GGACT: variants seen among roughly 807,000 people sequenced by gnomAD.
The protein encoded by GGACT is gamma-glutamylamine cyclotransferase.
For missense variants in GGACT, 241 were observed against 233.2 expected (o/e 1.03, Z -0.22); for synonymous variants, 118 against 115.3 (o/e 1.02, Z -0.15).
At position 100,532,304 on chromosome 13, in the gene GGACT, C is replaced by CT. The variant is rs1172798989; in HGVS notation, c.287dup (p.Leu97AlafsTer39). On this transcript the variant is annotated frameshift_variant, in exon 3 of 3. Transcript: ENST00000683975. LOFTEE classifies it low-confidence loss of function (END_TRUNC). Reference sequence around the variant, plus strand: ...CGCCCGGGGCCCGGTCCTCCAGCAGCTGTACCCGCAGCACCGTGCGCTGGT... The same window carrying CT: ...CGCCCGGGGCCCGGTCCTCCAGCAGCTTGTACCCGCAGCACCGTGCGCTGGT... 7 of 1,544,308 alleles carry CT rather than the reference C, an allele frequency of 4.5e-6. No individual in the cohort carries two copies. The highest frequency in any genetic ancestry group is 5.3e-6 in the Non-Finnish European group (6 of 1,142,054).
chr13:100,585,123 C>G (rs769778012), intron 1 of GGACT, among the ~76,000 whole-genome samples: 1 of 152,178 alleles, frequency 6.6e-6, no homozygotes, highest in Non-Finnish European at 1.5e-5. Flanking sequence ...CCACACTCCA[C>G]GAAAAGCAGC....
intron 2 of GGACT, 49 bp from the exon 3 acceptor site, chr13:100,532,650 G>A (rs1594179797): frequency 7.0e-7 from 1 of 1,418,514 alleles, no homozygotes; most frequent in Non-Finnish European, 9.5e-7. Flanking sequence ...GGAGCTCTGT[G>A]TCTGCACCTG....
chr13:100,579,102 CT>C (rs1292117904), intron 2 of GGACT, among the ~76,000 whole-genome samples: 1 of 152,206 alleles, frequency 6.6e-6, no homozygotes, highest in Non-Finnish European at 1.5e-5. Context: ...TGAGTTCTTT[CT>C]TACTGGGTGC....
intron 2 of GGACT, among the ~76,000 whole-genome samples, chr13:100,547,308 G>A (rs531690222): frequency 1.3e-5 from 2 of 152,342 alleles, no homozygotes; most frequent in South Asian, 2.1e-4. Flanking sequence ...ACCAGAGGGG[G>A]TGGGGTACTT....
rs11842383 is a variant in GGACT at position 100,551,008 on chromosome 13, G to A, written c.-10-18407C>T. On this transcript the variant is annotated intron_variant, in intron 2 of 2. Coordinates refer to ENST00000683975, the MANE Select transcript of GGACT (RefSeq NM_001195087.2). ...TCTTAATTAAAAAACAACAAGGCCG[G>A]GCGCGGTGGCTCATGCCTGTAATTC... 8.6e-3 allele frequency among the ~76,000 whole-genome samples: 1,308 copies of A among 152,274 alleles called. 20 individuals are homozygous for A. Among genetic ancestry groups the A allele is most frequent in the African/African-American group, 0.029 (1,222 of 41,544 alleles).
At chr13:100,560,562 GTGTGGCCCTCCC>G (rs1238566670) in intron 2 of GGACT, among the ~76,000 whole-genome samples, 2 of 152,218 alleles carry the variant, frequency 1.3e-5, no homozygotes. Context: ...CGTGGGAGCT[GTGTGGCCCTCCC>G]AGGCCCTGAG....
intron 2 of GGACT, among the ~76,000 whole-genome samples, chr13:100,540,838 T>C (rs2088546224): frequency 6.6e-6 from 1 of 152,240 alleles, no homozygotes; most frequent in South Asian, 2.1e-4. Context: ...GTGCCTGTGA[T>C]TCATTCTGGC....
chr13:100,556,681 G>A (rs2088711219), intron 2 of GGACT, among the ~76,000 whole-genome samples: 1 of 151,890 alleles, frequency 6.6e-6, no homozygotes, highest in East Asian at 1.9e-4. Context: ...ATAACTCAAA[G>A]GATAAATGCT....
At chr13:100,562,511 T>C (rs2153015347) in intron 2 of GGACT, among the ~76,000 whole-genome samples, 1 of 152,114 alleles carries the variant, frequency 6.6e-6, no homozygotes, top group Non-Finnish European at 1.5e-5. Flanking sequence ...GAGAGGCACA[T>C]GAGGCCAGGT....
At chr13:100,560,382 T>C (rs1199508150) in intron 2 of GGACT, among the ~76,000 whole-genome samples, 1 of 152,238 alleles carries the variant, frequency 6.6e-6, no homozygotes, top group African/African-American at 2.4e-5. Context: ...TGCTGCTCCA[T>C]AAACATTAAG....
chr13:100,532,358 C>T lies in GGACT; in HGVS notation c.234G>A (p.Leu78=). 1 of 1,550,644 alleles carries T rather than the reference C, an allele frequency of 6.4e-7. No individual in the cohort carries two copies. The highest frequency in any genetic ancestry group is 8.7e-7 in the Non-Finnish European group (1 of 1,146,622). ...YAVDERMLRF[L]DDFESCPALY... ...GGGCCGGGCAACTCTCGAAGTCATC[C>T]AGAAAGCGCAGCATCCGCTCGTCTA... The change falls in exon 3 of 3, where the codon CTG becomes CTA. Residue 78 remains leucine, a synonymous_variant. Transcript: ENST00000683975.
At chr13:100,547,790 C>T (rs551621861) in intron 2 of GGACT, among the ~76,000 whole-genome samples, 7 of 152,346 alleles carry the variant, frequency 4.6e-5, no homozygotes, top group East Asian at 1.9e-4. Flanking sequence ...ATGAGATGGC[C>T]GTAATCCCTG....
intron 2 of GGACT, among the ~76,000 whole-genome samples, chr13:100,556,689 G>C (rs1313222355): frequency 6.6e-6 from 1 of 151,938 alleles, no homozygotes; most frequent in East Asian, 1.9e-4. Context: ...AAGGATAAAT[G>C]CTTGAGGGCA....
At chr13:100,561,768 G>T (rs2088762527) in intron 2 of GGACT, among the ~76,000 whole-genome samples, 1 of 152,226 alleles carries the variant, frequency 6.6e-6, no homozygotes, top group African/African-American at 2.4e-5. Flanking sequence ...TCAGTGGGGG[G>T]CTGGGGCTCA....
At position 100,546,541 on chromosome 13, in the gene GGACT, T is replaced by G. The variant is rs1019843606; in HGVS notation, c.-10-13940A>C. On this transcript the variant is annotated intron_variant, in intron 2 of 2. Transcript: ENST00000683975. Reference sequence around the variant, plus strand: ...TAATAAGGAAATAGACTGGGTGCGGTGGCTCATGCCTGTAATCCCAGCATT... The same window carrying G: ...TAATAAGGAAATAGACTGGGTGCGGGGGCTCATGCCTGTAATCCCAGCATT... Among the ~76,000 whole-genome samples the G allele has an allele frequency of 3.3e-5, 5 of 152,142 alleles. 1 individual carries two copies. Among genetic ancestry groups the G allele is most frequent in the African/African-American group, 1.2e-4 (5 of 41,512 alleles).
chr13:100,577,422 T>A (rs58629796), intron 2 of GGACT, among the ~76,000 whole-genome samples: 3,090 of 137,956 alleles, frequency 0.022, 121 homozygotes, highest in African/African-American at 0.091. Context: ...ATCTCAAAAA[T>A]AAATAAATAA....
In GGACT at chr13:100,568,225, G is replaced by A. The variant is rs1874966958; in HGVS notation, c.-11+15600C>T. ...TTATTGGCCAACATCCTGCTGTCAGGGGTTACTGAAGACCTTGTATTAGTC... is the reference window on the plus strand; with the variant it reads ...TTATTGGCCAACATCCTGCTGTCAGAGGTTACTGAAGACCTTGTATTAGTC... On this transcript the variant is annotated intron_variant, in intron 2 of 2. Transcript: ENST00000683975. 2.6e-5 allele frequency among the ~76,000 whole-genome samples: 4 copies of A among 152,194 alleles called. No homozygotes were observed. In the South Asian group the frequency reaches 8.3e-4, roughly 32 times the overall value.
chr13:100,557,075 G>T (rs1425984901), intron 2 of GGACT, among the ~76,000 whole-genome samples: 7 of 152,180 alleles, frequency 4.6e-5, no homozygotes, highest in Non-Finnish European at 1.0e-4. Flanking sequence ...ATTTTTAGTA[G>T]AGATGGGGTT....
chr13:100,570,048 C>T (rs534513298), intron 2 of GGACT, among the ~76,000 whole-genome samples: 148 of 152,202 alleles, frequency 9.7e-4, no homozygotes, highest in Non-Finnish European at 1.8e-3. Flanking sequence ...TTTCCCACAC[C>T]TTCCTGTCTT....
Sources: gnomAD v4.1 joint callset for allele counts (sites outside exome capture counted in the v4.1 genomes callset) on GRCh38, gnomAD v4.1.1 for gene constraint, MANE v1.5 for transcripts, NCBI Gene and HGNC (gene_info 2026-07-23, HGNC 2026-07-21) for gene names.